Variants in DPP10 observed in about 807,000 individuals in gnomAD.
The protein encoded by DPP10 is dipeptidyl peptidase like 10, also known as inactive dipeptidyl peptidase 10.
DPP10 carries 33 observed loss-of-function variants against 120.9 expected under a neutral mutation model. The ratio of observed to expected loss-of-function variants is 0.27; its 90% CI spans 0.21 to 0.37. The LOEUF is 0.37. Among genes scored for constraint, DPP10 ranks in the 10% least tolerant of loss-of-function variants. DPP10 has a pLI of 1.00. For missense variants in DPP10, 816 were observed against 942.8 expected, an observed-to-expected ratio of 0.87 and a Z score of 1.76; for synonymous variants, 337 against 326.1, an observed-to-expected ratio of 1.03 and a Z score of -0.36.
chr2:115,837,198 G>T (rs906854018), intron 24 of DPP10, among the ~76,000 whole-genome samples: 7 of 152,194 alleles, frequency 4.6e-5, no homozygotes, highest in African/African-American at 1.7e-4. Flanking sequence ...AAATTCTAAT[G>T]AGGTTACCCG....
chr2:115,739,451 G>A (rs112405813), intron 8 of DPP10, among the ~76,000 whole-genome samples: 194 of 152,004 alleles, frequency 1.3e-3, no homozygotes, highest in Non-Finnish European at 2.1e-3. Context: ...TTCAATCACC[G>A]TTCTCATTCT....
chr2:115,730,313 G>T (rs1186704584), intron 8 of DPP10, among the ~76,000 whole-genome samples: 1 of 152,190 alleles, frequency 6.6e-6, no homozygotes, highest in Non-Finnish European at 1.5e-5. Flanking sequence ...AGCAGATGGG[G>T]TGAATGATAA....
intron 7 of DPP10, among the ~76,000 whole-genome samples, chr2:115,705,531 G>A (rs148283206): frequency 3.9e-4 from 60 of 151,940 alleles, no homozygotes; most frequent in Non-Finnish European, 4.9e-4. Flanking sequence ...AGCAATTGAC[G>A]AATTCTATTT....
Position 114,981,068 on chromosome 2 carries a change from A to C in DPP10, c.61-328171A>C, listed in dbSNP as rs1354407493. On this transcript the variant is annotated intron_variant, in intron 1 of 25. Transcript: ENST00000410059. ...AGACAGGTGTTATCATATACTATTGATAGGAGAGTAAATTGGCCCAGTCAT... is the reference window on the plus strand; with the variant it reads ...AGACAGGTGTTATCATATACTATTGCTAGGAGAGTAAATTGGCCCAGTCAT... Among the ~76,000 whole-genome samples the C allele has an allele frequency of 2.7e-5, 4 of 150,552 alleles. No homozygotes were observed. In the Admixed American group the frequency reaches 2.7e-4, roughly 10 times the overall value.
At chr2:115,204,938 G>C (rs2056017456) in intron 1 of DPP10, among the ~76,000 whole-genome samples, 1 of 151,896 alleles carries the variant, frequency 6.6e-6, no homozygotes, top group South Asian at 2.1e-4. Context: ...TTTTTAATGG[G>C]GTTGCCTTTT....
intron 1 of DPP10, among the ~76,000 whole-genome samples, chr2:114,815,160 T>A (rs1685521243): frequency 6.6e-6 from 1 of 152,134 alleles, no homozygotes; most frequent in Admixed American, 6.5e-5. Context: ...GAGAAGCGAG[T>A]CTCATGTGGG....
intron 1 of DPP10, among the ~76,000 whole-genome samples, chr2:114,515,302 C>T (rs1684503691): frequency 6.6e-6 from 1 of 152,042 alleles, no homozygotes; most frequent in Non-Finnish European, 1.5e-5. Context: ...TTAAAGGTAC[C>T]GAAGTCCAGA....
At position 115,476,677 on chromosome 2, in the gene DPP10, G is replaced by C. The variant is rs117084737; in HGVS notation, c.272-22833G>C. Among the ~76,000 whole-genome samples the C allele has an allele frequency of 2.4e-4, 36 of 152,208 alleles. No homozygotes were observed. The East Asian group carries it at 6.4e-3, about 27-fold the overall frequency. On this transcript the variant is annotated intron_variant, in intron 3 of 25. Transcript: ENST00000410059. ...ACCATAATCCAATCATCTCCTACCA[G>C]GCTCCACTTCCAACATTGGGGAATG...
intron 1 of DPP10, among the ~76,000 whole-genome samples, chr2:114,628,810 A>G (rs900143689): frequency 1.8e-4 from 27 of 152,160 alleles, no homozygotes; most frequent in South Asian, 2.1e-4. Context: ...TCAGAGAGAC[A>G]TTTTTATTGT....
chr2:114,869,327 G>T (rs560101553), intron 1 of DPP10, among the ~76,000 whole-genome samples: 2 of 152,236 alleles, frequency 1.3e-5, no homozygotes, highest in East Asian at 3.9e-4. Context: ...CGCACTGTTT[G>T]TTGTTTATTG....
chr2:115,772,699 T>C (rs1362998073), intron 13 of DPP10, among the ~76,000 whole-genome samples: 2 of 152,172 alleles, frequency 1.3e-5, no homozygotes, highest in African/African-American at 4.8e-5. Flanking sequence ...AAAATATTTG[T>C]TATGTTGACT....
In DPP10 at chr2:115,009,627, T is replaced by C. The variant is rs576247057; in HGVS notation, c.61-299612T>C. Among the ~76,000 whole-genome samples, 12 of 151,132 alleles carry C rather than the reference T, an allele frequency of 7.9e-5. 2 individuals are homozygous for C. In the South Asian group the frequency reaches 2.5e-3, roughly 32 times the overall value. Reference sequence around the variant, plus strand: ...AAAGACAAATATTTAAAGTAATGGATATCCCTTGGGCTAGGGGAGGGATAG... The same window carrying C: ...AAAGACAAATATTTAAAGTAATGGACATCCCTTGGGCTAGGGGAGGGATAG... On this transcript the variant is annotated intron_variant, in intron 1 of 25. Coordinates refer to ENST00000410059, the MANE Select transcript of DPP10 (RefSeq NM_020868.6).
At chr2:114,571,319 C>G (rs1333002653) in intron 1 of DPP10, among the ~76,000 whole-genome samples, 2 of 152,092 alleles carry the variant, frequency 1.3e-5, no homozygotes, top group Non-Finnish European at 2.9e-5. Context: ...CTCTCTCTTC[C>G]TCCTGCTCCT....
intron 1 of DPP10, among the ~76,000 whole-genome samples, chr2:115,084,968 C>A (rs755409902): frequency 2.0e-5 from 3 of 152,126 alleles, no homozygotes; most frequent in African/African-American, 4.8e-5. Context: ...TCAGAAAGAG[C>A]TGTTTTTGCA....
intron 1 of DPP10, among the ~76,000 whole-genome samples, chr2:114,871,722 C>T (rs887071725): frequency 6.6e-6 from 1 of 152,078 alleles, no homozygotes; most frequent in Non-Finnish European, 1.5e-5. Context: ...TGAGGGGTCC[C>T]CAACCCCCAG....
At chr2:115,165,360 T>C (rs1014029694) in intron 1 of DPP10, among the ~76,000 whole-genome samples, 2 of 152,198 alleles carry the variant, frequency 1.3e-5, no homozygotes, top group Non-Finnish European at 2.9e-5. Flanking sequence ...AACTTTTAAC[T>C]TCTATACAAT....
At chr2:115,358,060 A>G (rs2064523602) in intron 3 of DPP10, among the ~76,000 whole-genome samples, 1 of 152,070 alleles carries the variant, frequency 6.6e-6, no homozygotes, top group African/African-American at 2.4e-5. Context: ...AAGGTCTCTG[A>G]CATGCCCTGG....
chr2:114,699,245 A>G (rs1445224773), intron 1 of DPP10, among the ~76,000 whole-genome samples: 1 of 152,168 alleles, frequency 6.6e-6, no homozygotes, highest in African/African-American at 2.4e-5. Context: ...GTATATATGT[A>G]TGCGTTTGTA....
intron 5 of DPP10, among the ~76,000 whole-genome samples, chr2:115,534,507 T>A (rs887578738): frequency 6.6e-6 from 1 of 151,906 alleles, no homozygotes; most frequent in Non-Finnish European, 1.5e-5. Context: ...ATCCAGTCTA[T>A]CATTGTTGGA....
Sources: allele counts gnomAD v4.1 joint callset (sites outside exome capture counted in the v4.1 genomes callset), GRCh38; gene constraint gnomAD v4.1.1; transcripts MANE v1.5; gene names NCBI Gene and HGNC (gene_info 2026-07-23, HGNC 2026-07-21).